Variants in DMD observed in about 807,000 individuals in gnomAD.
The protein encoded by DMD is dystrophin.
In DMD, 63 loss-of-function variants were observed where a neutral mutation model predicts 330.1. The observed-to-expected ratio is 0.19, with a 90% CI of 0.16 to 0.24. The LOEUF is 0.24. Among genes scored for constraint, DMD ranks in the 10% least tolerant of loss-of-function variants. DMD has a pLI of 1.00. For missense variants in DMD, 3,344 were observed against 2,684.1 expected, an observed-to-expected ratio of 1.25 and a Z score of -5.43; for synonymous variants, 1,223 against 959.8, an observed-to-expected ratio of 1.27 and a Z score of -5.07.
chrX:32,237,766 A>G (rs1327934617), intron 43 of DMD, among the ~76,000 whole-genome samples: 1 of 111,843 alleles, frequency 8.9e-6, no homozygotes, highest in Non-Finnish European at 1.9e-5. Flanking sequence ...TCTTATTGTT[A>G]CGGTAGAATG....
At chrX:31,546,858 G>C (rs2074169379) in intron 55 of DMD, among the ~76,000 whole-genome samples, 1 of 112,342 alleles carries the variant, frequency 8.9e-6, no homozygotes, top group Admixed American at 9.4e-5. Context: ...CACTCTTTCT[G>C]TTCTTAGCAC....
intron 64 of DMD, among the ~76,000 whole-genome samples, chrX:31,219,673 C>T (rs921873988): frequency 1.8e-5 from 2 of 110,355 alleles, no homozygotes; most frequent in Admixed American, 9.7e-5. Context: ...CATTATTTAT[C>T]ATCTCCTCTT....
intron 51 of DMD, among the ~76,000 whole-genome samples, chrX:31,749,413 A>C (rs5927837): frequency 2.1e-4 from 21 of 100,432 alleles, no homozygotes; most frequent in South Asian, 4.9e-4. Flanking sequence ...TTGTTCTTGC[A>C]ATAGTTTACT....
intron 67 of DMD, among the ~76,000 whole-genome samples, chrX:31,195,234 G>T (rs1254691346): frequency 9.0e-6 from 1 of 111,516 alleles, no homozygotes; most frequent in African/African-American, 3.3e-5. Context: ...AACACATGGT[G>T]ATTATCCACT....
intron 1 of DMD, among the ~76,000 whole-genome samples, chrX:33,047,955 T>C (rs2094405832): frequency 8.9e-6 from 1 of 112,392 alleles, no homozygotes; most frequent in South Asian, 3.6e-4. Flanking sequence ...TTGTGTATTA[T>C]TTTCACAATT....
intron 1 of DMD, among the ~76,000 whole-genome samples, chrX:33,305,617 AAG>A (rs1306857672): frequency 9.1e-6 from 1 of 110,106 alleles, no homozygotes; most frequent in Non-Finnish European, 1.9e-5. Context: ...AAAAAAAAAA[AAG>A]AAATCTATAC....
chrX:31,775,772 TC>T (rs1475898391), intron 50 of DMD, among the ~76,000 whole-genome samples: 2 of 111,477 alleles, frequency 1.8e-5, no homozygotes, highest in Non-Finnish European at 3.8e-5. Flanking sequence ...TAAGGTTGTC[TC>T]CTCATTAGAG....
chrX:32,992,635 G>C (rs752877864), intron 2 of DMD, among the ~76,000 whole-genome samples: 1 of 111,179 alleles, frequency 9.0e-6, no homozygotes, highest in Admixed American at 9.6e-5. Flanking sequence ...AGAACAGACT[G>C]TTGGCCAGGT....
chrX:31,721,269 C>G (rs2085451868), intron 52 of DMD, among the ~76,000 whole-genome samples: 1 of 111,147 alleles, frequency 9.0e-6, no homozygotes, highest in African/African-American at 3.3e-5. Flanking sequence ...GGCTATGGTT[C>G]CCAGTTGTTT....
At chrX:31,544,446 C>A (rs1001581348) in intron 55 of DMD, among the ~76,000 whole-genome samples, 4 of 110,976 alleles carry the variant, frequency 3.6e-5, no homozygotes, top group Admixed American at 9.6e-5. Context: ...CCCCTTCTCC[C>A]CTGAAGCAGG....
rs1395955351 is a variant in DMD, at chrX:31,532,135, C to T, written c.8218-24682G>A. ...GTTCAGATTCAGGAAATACAGAGAA[C>T]GCCACAAAGATACTCCTCGAGAAGA... On this transcript the variant is annotated intron_variant, in intron 55 of 78. Transcript: ENST00000357033. Among the ~76,000 whole-genome samples, 5 of 95,244 alleles carry T rather than the reference C, an allele frequency of 5.2e-5. 1 individual carries two copies. The highest frequency in any genetic ancestry group is 5.0e-4 in the South Asian group (1 of 1,988). 82.7% of individuals were successfully genotyped at this position (95,244 alleles called of 115,157 possible).
intron 43 of DMD, among the ~76,000 whole-genome samples, chrX:32,225,932 T>C (rs958198657): frequency 2.7e-5 from 3 of 111,879 alleles, no homozygotes; most frequent in Non-Finnish European, 5.6e-5. Flanking sequence ...AAGAATGGCC[T>C]AATCCAGTCC....
At chrX:32,554,670 G>A (rs973880146) in intron 16 of DMD, among the ~76,000 whole-genome samples, 1 of 107,519 alleles carries the variant, frequency 9.3e-6, no homozygotes, top group Admixed American at 1.0e-4. Flanking sequence ...TGGAATCATA[G>A]CTGAATTCTA....
intron 13 of DMD, among the ~76,000 whole-genome samples, chrX:32,587,117 G>A (rs1236191136): frequency 9.0e-6 from 1 of 111,160 alleles, no homozygotes; most frequent in Non-Finnish European, 1.9e-5. Flanking sequence ...ATACTATCCC[G>A]AAGATATGTA....
chrX:33,033,749 G>C (rs933624904), intron 1 of DMD, among the ~76,000 whole-genome samples: 5 of 110,332 alleles, frequency 4.5e-5, no homozygotes, highest in African/African-American at 1.6e-4. Context: ...TAGCCTTATT[G>C]TTTGCACTTA....
rs376132513 is a variant in DMD, at chrX:32,742,362, G to C, written c.650-43069C>G. 8.0e-5 allele frequency among the ~76,000 whole-genome samples: 9 copies of C among 111,976 alleles called. No individual in the cohort carries two copies. In the East Asian group the frequency reaches 2.0e-3, roughly 24 times the overall value. ...AATGCCAATAGGATAAAATACATCA[G>C]AGAAGCCTAAGGATTCCATGAGAAC... On this transcript the variant is annotated intron_variant, in intron 7 of 78. Transcript: ENST00000357033.
At chrX:32,400,303 G>A (rs1298276515) in intron 30 of DMD, among the ~76,000 whole-genome samples, 2 of 111,600 alleles carry the variant, frequency 1.8e-5, no homozygotes, top group Admixed American at 9.6e-5. Flanking sequence ...TCCCAAGGAT[G>A]AAGCCCACTT....
chrX:32,263,084 T>A (rs886553991), intron 43 of DMD, among the ~76,000 whole-genome samples: 4 of 112,277 alleles, frequency 3.6e-5, no homozygotes, highest in Non-Finnish European at 5.6e-5. Flanking sequence ...CAACCTAATA[T>A]GTTGAGAAGT....
intron 55 of DMD, among the ~76,000 whole-genome samples, chrX:31,625,945 C>G (rs1167106765): frequency 1.8e-5 from 2 of 111,251 alleles, no homozygotes; most frequent in Admixed American, 9.6e-5. Flanking sequence ...ATTTACCTAC[C>G]ATAGCTGATG....
Sources: allele counts gnomAD v4.1 joint callset (sites outside exome capture counted in the v4.1 genomes callset), GRCh38; gene constraint gnomAD v4.1.1; transcripts MANE v1.5; gene names NCBI Gene and HGNC (gene_info 2026-07-23, HGNC 2026-07-21).